Variants in LHFPL3 observed in about 807,000 individuals in gnomAD.
LHFPL3 encodes the protein LHFPL tetraspan subfamily member 3.
A neutral mutation model predicts 19.3 loss-of-function variants in LHFPL3; 5 were observed. That is an observed-to-expected ratio of 0.26 (90% CI 0.14 to 0.54). The LOEUF (loss-of-function observed/expected upper bound fraction) is 0.54, where lower values mean the gene tolerates loss of function less well. Among genes scored for constraint, LHFPL3 ranks in the 20% least tolerant of loss-of-function variants. The pLI is 0.94. For synonymous variants in LHFPL3, 133 were observed against 126.2 expected (o/e 1.05, Z -0.36); for missense variants, 249 against 307.4 (o/e 0.81, Z 1.42).
At chr7:104,840,308 C>CTTTTTTTTTTTTTTTTTTTTGGTTTTTT (rs67980957) in intron 2 of LHFPL3, among the ~76,000 whole-genome samples, 1 of 118,376 alleles carries the variant, frequency 8.4e-6, no homozygotes, top group Non-Finnish European at 1.6e-5. Context: ...TGTGGGTTTT[C>CTTTTTTTTTTTTTTTTTTTTGGTTTTTT]TTTTTTTTTT....
chr7:104,664,281 C>T (rs1044440104), intron 1 of LHFPL3, among the ~76,000 whole-genome samples: 3 of 150,572 alleles, frequency 2.0e-5, no homozygotes, highest in African/African-American at 7.3e-5. Context: ...ACCAAATTAG[C>T]CATTTTACTC....
intron 2 of LHFPL3, among the ~76,000 whole-genome samples, chr7:104,782,425 C>T (rs1254356417): frequency 1.3e-5 from 2 of 152,190 alleles, no homozygotes; most frequent in Non-Finnish European, 2.9e-5. Flanking sequence ...TAAATATAGA[C>T]CCCAACTCTG....
At chr7:104,544,320 G>A (rs1794541866) in intron 1 of LHFPL3, among the ~76,000 whole-genome samples, 5 of 152,100 alleles carry the variant, frequency 3.3e-5, no homozygotes, top group Admixed American at 2.0e-4. Flanking sequence ...AAATCTGTAT[G>A]GCCCCATAGC....
At chr7:104,589,072 C>A (rs1790647773) in intron 1 of LHFPL3, among the ~76,000 whole-genome samples, 1 of 152,278 alleles carries the variant, frequency 6.6e-6, no homozygotes, top group African/African-American at 2.4e-5. Context: ...GACAATTTGA[C>A]TTCCTCTTTT....
chr7:104,682,917 G>T (rs1792735089), intron 1 of LHFPL3, among the ~76,000 whole-genome samples: 1 of 152,178 alleles, frequency 6.6e-6, no homozygotes, highest in African/African-American at 2.4e-5. Context: ...AACTGCCACT[G>T]CTAGCTTTTA....
At chr7:104,498,504 T>G (rs954273848) in intron 1 of LHFPL3, among the ~76,000 whole-genome samples, 19 of 151,828 alleles carry the variant, frequency 1.3e-4, no homozygotes, top group African/African-American at 4.1e-4. Context: ...ATGTTTTTTT[T>G]TTTTTTTTTT....
At chr7:104,831,270 G>C (rs1264270442) in intron 2 of LHFPL3, among the ~76,000 whole-genome samples, 1 of 151,858 alleles carries the variant, frequency 6.6e-6, no homozygotes, top group Non-Finnish European at 1.5e-5. Context: ...AAATTAACCA[G>C]AGAGAGTTTT....
chr7:104,347,072 T>G (rs910399448), intron 1 of LHFPL3, among the ~76,000 whole-genome samples: 1 of 151,734 alleles, frequency 6.6e-6, no homozygotes, highest in Admixed American at 6.6e-5. Context: ...TTAAAAATAG[T>G]ACCTATCTCA....
chr7:104,430,444 ATATATATATATTTTTTTTTTTTTTTTTT>A (rs1791972394), intron 1 of LHFPL3, among the ~76,000 whole-genome samples: 1 of 17,072 alleles, frequency 5.9e-5, no homozygotes, highest in African/African-American at 3.6e-4. Flanking sequence ...ATATATATAT[ATATATATATATTTTTTTTTTTTTTTTTT>A]TTTTTTTTTT....
intron 2 of LHFPL3, among the ~76,000 whole-genome samples, chr7:104,788,109 T>C (rs1277795914): frequency 6.6e-6 from 1 of 152,216 alleles, no homozygotes. Flanking sequence ...AAACCATTTA[T>C]TTCTGCTCAC....
At chr7:104,804,080 C>G (rs952029511) in intron 2 of LHFPL3, 1 of 152,220 alleles carries the variant, frequency 6.6e-6, no homozygotes, top group East Asian at 1.9e-4. Flanking sequence ...GGCAGCAGCT[C>G]CAGTTCCTAG....
intron 1 of LHFPL3, among the ~76,000 whole-genome samples, chr7:104,653,565 A>G (rs980619171): frequency 4.6e-5 from 7 of 152,234 alleles, no homozygotes; most frequent in Admixed American, 1.3e-4. Flanking sequence ...TTTTAACCCC[A>G]TAAAAATGGA....
chr7:104,428,469 C>G lies in LHFPL3; in HGVS notation c.445+99245C>G, dbSNP rs79054246. 6.5e-3 allele frequency among the ~76,000 whole-genome samples: 990 copies of G among 152,186 alleles called. 75 individuals carry two copies. The East Asian group carries it at 0.16, about 25-fold the overall frequency. ...ATAGTTGATAATTTATAAATCCTCCCTCCAATATATAACTATGTGTAGTTG... is the reference window on the plus strand; with the variant it reads ...ATAGTTGATAATTTATAAATCCTCCGTCCAATATATAACTATGTGTAGTTG... On this transcript the variant is annotated intron_variant, in intron 1 of 2. Coordinates refer to ENST00000424859, the MANE Select transcript of LHFPL3 (RefSeq NM_199000.3).
rs767321493 is a variant in LHFPL3 at position 104,328,771 on chromosome 7, A to G, written c.-9A>G. 1.3e-6 allele frequency: 2 copies of G among 1,536,772 alleles called. No individual in the cohort carries two copies. Among genetic ancestry groups the G allele is most frequent in the Non-Finnish European group, 8.8e-7 (1 of 1,130,698 alleles). On this transcript the variant is annotated 5_prime_UTR_variant, in exon 1 of 3. Transcript: ENST00000424859. This position sits in a 1 kb window ranked among gnomAD's most constrained non-coding sequence, Gnocchi z 4.6. ...CAGGAGGAGGAGGAGGAGGAGGAGG[A>G]GGGGGAGAATGCCCGGAGCCGCCGC...
chr7:104,328,706 G>A lies in LHFPL3; in HGVS notation c.-74G>A. On this transcript the variant is annotated 5_prime_UTR_variant, in exon 1 of 3. In the 5' UTR this introduces an upstream ATG that the reference lacks. Transcript: ENST00000424859. The surrounding 1 kb of genome is among the most constrained non-coding windows in gnomAD (Gnocchi z 4.6). ...TTGCAGCGCGCGAGGCTCCGTGAGT[G>A]TGTCTCCTGCGCGCTGAGAGGCGGG... 1 of 1,343,108 alleles carries A rather than the reference G, an allele frequency of 7.4e-7. No individual in the cohort carries two copies. The highest frequency in any genetic ancestry group is 1.0e-6 in the Non-Finnish European group (1 of 977,072). 83.2% of individuals were successfully genotyped at this position (1,343,108 alleles called of 1,614,324 possible).
intron 1 of LHFPL3, among the ~76,000 whole-genome samples, chr7:104,586,942 T>C (rs1790590510): frequency 6.6e-6 from 1 of 152,148 alleles, no homozygotes. Context: ...TGAAAGATTA[T>C]GTATCATTTT....
chr7:104,855,627 T>C (rs1472270841), intron 2 of LHFPL3, among the ~76,000 whole-genome samples: 1 of 92,654 alleles, frequency 1.1e-5, no homozygotes, highest in East Asian at 2.3e-4. Flanking sequence ...AGATTTTTCT[T>C]TCTTTTTTTT....
chr7:104,686,990 C>CA (rs1322860255), intron 1 of LHFPL3, among the ~76,000 whole-genome samples: 2 of 152,192 alleles, frequency 1.3e-5, no homozygotes, highest in African/African-American at 2.4e-5. Context: ...CAACTGCCCC[C>CA]ATAATCTAAT....
chr7:104,817,447 A>G (rs555131301), intron 2 of LHFPL3, among the ~76,000 whole-genome samples: 55 of 152,300 alleles, frequency 3.6e-4, no homozygotes, highest in Middle Eastern at 3.4e-3. Context: ...TCATGTAAAC[A>G]CCACATCTTT....
Sources: allele counts gnomAD v4.1 joint callset (sites outside exome capture counted in the v4.1 genomes callset), GRCh38; gene constraint gnomAD v4.1.1; non-coding constraint Gnocchi (gnomAD v3.1); transcripts MANE v1.5; gene names NCBI Gene and HGNC (gene_info 2026-07-23, HGNC 2026-07-21).